The following SLC25A21 variants were observed in gnomAD, a reference collection of about 807,000 sequenced individuals.
The protein encoded by SLC25A21 is mitochondrial 2-oxodicarboxylate carrier.
SLC25A21 carries 47 observed loss-of-function variants against 43.8 expected under a neutral mutation model. The observed-to-expected ratio is 1.07, with a 90% confidence interval of 0.85 to 1.37. SLC25A21 has a LOEUF of 1.37. Ranked by LOEUF, SLC25A21 falls within the 40% of genes most tolerant of loss-of-function variation. The pLI, the probability that SLC25A21 is intolerant of heterozygous loss-of-function variation, is 0.00. For missense variants in SLC25A21, 352 were observed against 350.2 expected (o/e 1.00, Z -0.04); for synonymous variants, 131 against 121.3 (o/e 1.08, Z -0.52).
intron 3 of SLC25A21, among the ~76,000 whole-genome samples, chr14:36,764,459 A>C (rs1886324640): frequency 1.3e-5 from 2 of 151,232 alleles, no homozygotes; most frequent in Admixed American, 6.6e-5. Flanking sequence ...AGATTGAAGC[A>C]CAAGCTGCCA....
At chr14:36,992,483 G>A (rs1318999267) in intron 1 of SLC25A21, among the ~76,000 whole-genome samples, 2 of 152,054 alleles carry the variant, frequency 1.3e-5, no homozygotes, top group African/African-American at 4.8e-5. Context: ...TTCTAAGAAA[G>A]GCGCCTTTTT....
chr14:36,744,425 T>C (rs1167257916), intron 3 of SLC25A21, among the ~76,000 whole-genome samples: 2 of 151,846 alleles, frequency 1.3e-5, no homozygotes, highest in African/African-American at 4.8e-5. Flanking sequence ...TTGACAAAAA[T>C]ATATATTGGG....
chr14:37,060,846 G>A (rs1226558860), intron 1 of SLC25A21, among the ~76,000 whole-genome samples: 1 of 152,174 alleles, frequency 6.6e-6, no homozygotes, highest in Non-Finnish European at 1.5e-5. Context: ...GGGAAAAGCA[G>A]GGGAGAGCCC....
intron 1 of SLC25A21, among the ~76,000 whole-genome samples, chr14:36,911,621 A>G (rs988323270): frequency 6.6e-6 from 1 of 152,170 alleles, no homozygotes; most frequent in Non-Finnish European, 1.5e-5. Flanking sequence ...CAGAGGCCTC[A>G]TTGGGGAGAA....
intron 2 of SLC25A21, among the ~76,000 whole-genome samples, chr14:36,873,061 C>T (rs1280845760): frequency 6.6e-6 from 1 of 152,096 alleles, no homozygotes; most frequent in African/African-American, 2.4e-5. Context: ...CCTCTATGTT[C>T]ATTGGAACAG....
intron 2 of SLC25A21, among the ~76,000 whole-genome samples, chr14:36,859,474 G>A (rs1168958351): frequency 6.6e-6 from 1 of 152,234 alleles, no homozygotes; most frequent in Non-Finnish European, 1.5e-5. Context: ...CACCATCCAG[G>A]AGGGTGAGTC....
intron 3 of SLC25A21, among the ~76,000 whole-genome samples, chr14:36,799,882 G>A (rs1162035083): frequency 6.6e-6 from 1 of 152,110 alleles, no homozygotes; most frequent in Non-Finnish European, 1.5e-5. Flanking sequence ...TTTTAAAAAT[G>A]TTATTTCTCA....
In SLC25A21 at chr14:37,049,879, G is replaced by A. The variant is rs531561195; in HGVS notation, c.70+122402C>T. 2.6e-5 allele frequency among the ~76,000 whole-genome samples: 4 copies of A among 152,230 alleles called. No homozygotes were observed. In the East Asian group the frequency reaches 7.7e-4, roughly 29 times the overall value. ...AATCTGGCATGTATTTACACTTAAA[G>A]CACAGCTCAATTTGGACAAGCAACA... is the stretch of plus-strand genomic sequence containing the variant. On this transcript the variant is annotated intron_variant, in intron 1 of 9. Transcript: ENST00000331299.
chr14:36,707,406 A>G (rs1883620244), intron 7 of SLC25A21, among the ~76,000 whole-genome samples: 1 of 152,182 alleles, frequency 6.6e-6, no homozygotes. Context: ...TATGGGTTCA[A>G]TGATGACTGA....
intron 2 of SLC25A21, among the ~76,000 whole-genome samples, chr14:36,862,276 T>C (rs920125099): frequency 1.3e-5 from 2 of 152,200 alleles, no homozygotes; most frequent in African/African-American, 2.4e-5. Flanking sequence ...CTCAAAGGAT[T>C]AGAAATCATT....
chr14:37,109,934 A>T (rs1962987937), intron 1 of SLC25A21, among the ~76,000 whole-genome samples: 1 of 152,194 alleles, frequency 6.6e-6, no homozygotes, highest in Admixed American at 6.6e-5. Context: ...AATTATTAAC[A>T]TTGCATGTCA....
At chr14:36,749,729 C>T (rs1885632047) in intron 3 of SLC25A21, among the ~76,000 whole-genome samples, 1 of 152,184 alleles carries the variant, frequency 6.6e-6, no homozygotes, top group Admixed American at 6.5e-5. Flanking sequence ...ACATGCTGCG[C>T]CTTGCCTGGG....
At chr14:36,892,040 G>A (rs1409352885) in intron 1 of SLC25A21, among the ~76,000 whole-genome samples, 1 of 152,076 alleles carries the variant, frequency 6.6e-6, no homozygotes, top group Non-Finnish European at 1.5e-5. Flanking sequence ...CTGATCAAAC[G>A]GTGCCATCAC....
intron 1 of SLC25A21, among the ~76,000 whole-genome samples, chr14:37,134,672 GAAAGA>G (rs781248596): frequency 1.1e-4 from 16 of 149,452 alleles, no homozygotes; most frequent in Admixed American, 3.3e-4. Context: ...AAGAAAGAAA[GAAAGA>G]AAAGAAAAGA....
At chr14:37,031,744 T>C (rs1266696278) in intron 1 of SLC25A21, among the ~76,000 whole-genome samples, 2 of 152,204 alleles carry the variant, frequency 1.3e-5, no homozygotes, top group Admixed American at 6.5e-5. Context: ...GGAAAGGACC[T>C]TAGAAACTAT....
At position 36,799,961 on chromosome 14, in the gene SLC25A21, T is replaced by A. The variant is rs893904610; in HGVS notation, c.203+13957A>T. Among the ~76,000 whole-genome samples, 4 of 152,208 alleles carry A rather than the reference T, an allele frequency of 2.6e-5. No individual in the cohort carries two copies. The South Asian group carries it at 8.3e-4, about 32-fold the overall frequency. The stretch of plus-strand genomic sequence containing the variant: ...TTAACTAAGTACAATATTGAGTACC[T>A]ACCAGCGAACACTAGAAGGATAAAA... On this transcript the variant is annotated intron_variant, in intron 3 of 9. Transcript: ENST00000331299.
chr14:36,905,477 G>A (rs772180915), intron 1 of SLC25A21, among the ~76,000 whole-genome samples: 11 of 152,164 alleles, frequency 7.2e-5, no homozygotes, highest in African/African-American at 1.4e-4. Flanking sequence ...CCACTCATGC[G>A]TCCCAAAGCT....
rs533240587 is a variant in SLC25A21, at chr14:37,144,564, A to G, written c.70+27717T>C. The stretch of plus-strand genomic sequence containing the variant: ...CCATTTTCAGGGGTGGCAGAGGGGA[A>G]AACAACTTCATCAGGTGAAAAAGAA... On this transcript the variant is annotated intron_variant, in intron 1 of 9. Transcript: ENST00000331299. Among the ~76,000 whole-genome samples the G allele has an allele frequency of 2.6e-5, 4 of 152,318 alleles. No homozygotes were observed. In the East Asian group the frequency reaches 7.7e-4, roughly 29 times the overall value.
intron 3 of SLC25A21, among the ~76,000 whole-genome samples, chr14:36,774,428 C>A (rs1311998976): frequency 6.6e-6 from 1 of 152,186 alleles, no homozygotes; most frequent in African/African-American, 2.4e-5. Flanking sequence ...CAGTACTTTT[C>A]CTGAGATTAC....
Sources: gnomAD v4.1 joint callset for allele counts (sites outside exome capture counted in the v4.1 genomes callset) on GRCh38, gnomAD v4.1.1 for gene constraint, MANE v1.5 for transcripts, NCBI Gene and HGNC (gene_info 2026-07-23, HGNC 2026-07-21) for gene names.